Variants in GPR89B observed in about 807,000 individuals in gnomAD.
GPR89B encodes golgi pH regulator B, also known as G protein-coupled receptor 89B.
Under a neutral mutation model 52.4 loss-of-function variants are expected in GPR89B, and 25 were observed. The ratio of observed to expected loss-of-function variants is 0.48; its 90% CI spans 0.35 to 0.67. GPR89B has a LOEUF of 0.67. Ranked by LOEUF, GPR89B falls within the 30% of genes least tolerant of loss-of-function variation. GPR89B has a pLI of 0.01. For synonymous variants in GPR89B, 52 were observed against 151.2 expected (o/e 0.34, Z 4.81); for missense variants, 146 against 450.2 (o/e 0.32, Z 6.11).
intron 10 of GPR89B, among the ~76,000 whole-genome samples, chr1:147,977,582 C>A (rs1657936135): frequency 6.6e-6 from 1 of 151,792 alleles, no homozygotes; most frequent in South Asian, 2.1e-4. Flanking sequence ...TGTTTTCCAA[C>A]TTGAAACGGT....
Position 147,939,872 on chromosome 1 carries a change from C to T in GPR89B, c.206+1055C>T, listed in dbSNP as rs587712174. 7.3e-5 allele frequency among the ~76,000 whole-genome samples: 11 copies of T among 151,528 alleles called. No homozygotes were observed. In the East Asian group the frequency reaches 1.9e-3, roughly 27 times the overall value. ...AAAATCAGCAGAGTGTGGTAGTACA[C>T]GTCTGTAGTGCCAGCTACCCTGGAG... is the stretch of plus-strand genomic sequence containing the variant. On this transcript the variant is annotated intron_variant, in intron 3 of 13. Coordinates refer to ENST00000314163, the MANE Select transcript of GPR89B (RefSeq NM_016334.5).
At chr1:147,979,089 G>A (rs1164539648) in intron 10 of GPR89B, among the ~76,000 whole-genome samples, 1 of 151,538 alleles carries the variant, frequency 6.6e-6, no homozygotes, top group East Asian at 1.9e-4. Context: ...TCCTTGATTG[G>A]GGGTGGGAAC....
rs587618973 is a variant in GPR89B, at chr1:147,939,413, T to C, written c.206+596T>C. Among the ~76,000 whole-genome samples, 3 of 152,370 alleles carry C rather than the reference T, an allele frequency of 2.0e-5. No individual in the cohort carries two copies. The South Asian group carries it at 6.2e-4, about 32-fold the overall frequency. ...TTTCTTGCTTGTTAATCTGCAAGCT[T>C]GAGTATGTTTTTAGGCCAGCATTTA... On this transcript the variant is annotated intron_variant, in intron 3 of 13. Coordinates refer to ENST00000314163, the MANE Select transcript of GPR89B (RefSeq NM_016334.5).
chr1:147,957,632 A>G, intron 7 of GPR89B, among the ~76,000 whole-genome samples: 1 of 151,726 alleles, frequency 6.6e-6, no homozygotes, highest in Non-Finnish European at 1.5e-5. Context: ...TCTCTTTATT[A>G]AAGTTATTAT....
the GPR89B span, among the ~76,000 whole-genome samples, chr1:148,016,922 T>G: frequency 2.6e-5 from 4 of 151,800 alleles, no homozygotes; most frequent in Non-Finnish European, 4.4e-5. Context: ...TATTCCCTGA[T>G]CATTTCTTCT....
chr1:148,008,832 C>T, the GPR89B span, among the ~76,000 whole-genome samples: 10 of 151,922 alleles, frequency 6.6e-5, no homozygotes, highest in African/African-American at 1.7e-4. Context: ...GAAATTTTTG[C>T]GGTATTCTCA....
At chr1:147,963,945 A>G (rs1165728744) in intron 7 of GPR89B, among the ~76,000 whole-genome samples, 2 of 152,166 alleles carry the variant, frequency 1.3e-5, no homozygotes. Context: ...TATATACCGT[A>G]TGATTCTAGT....
intron 10 of GPR89B, among the ~76,000 whole-genome samples, chr1:147,979,779 C>T (rs1420153657): frequency 4.8e-4 from 73 of 152,038 alleles, no homozygotes; most frequent in African/African-American, 1.4e-3. Context: ...ATTCAATTTG[C>T]TAAAATTACG....
At chr1:147,958,948 T>TGAATCCCAATG (rs1439621081) in intron 7 of GPR89B, among the ~76,000 whole-genome samples, 3 of 152,196 alleles carry the variant, frequency 2.0e-5, no homozygotes, top group African/African-American at 7.2e-5. Context: ...ATTCATATAA[T>TGAATCCCAATG]GCCCTTGCCA....
chr1:147,990,917 G>C lies in GPR89B; in HGVS notation c.1096-1585G>C, dbSNP rs1659018547. ...AGCTTTGTTCTTTTGGCTTAGGATT[G>C]ACTTGGCAATGCGGGCTCTTTTTGG... is the stretch of plus-strand genomic sequence containing the variant. On this transcript the variant is annotated intron_variant, in intron 12 of 13. Coordinates refer to ENST00000314163, the MANE Select transcript of GPR89B (RefSeq NM_016334.5). 2.0e-5 allele frequency among the ~76,000 whole-genome samples: 3 copies of C among 151,904 alleles called. No homozygotes were observed. The South Asian group carries it at 6.2e-4, about 32-fold the overall frequency.
At chr1:147,954,552 T>C (rs1171683269) in intron 7 of GPR89B, 150 bp downstream of exon 7, 2 of 152,030 alleles carry the variant, frequency 1.3e-5, no homozygotes, top group African/African-American at 4.8e-5. Context: ...ACACAGTGGC[T>C]CACACCTGTG....
chr1:147,940,048 G>T (rs1393493619), intron 3 of GPR89B, among the ~76,000 whole-genome samples: 3 of 151,758 alleles, frequency 2.0e-5, no homozygotes, highest in South Asian at 2.1e-4. Context: ...ATAGAACAAT[G>T]AATAACATGT....
intron 5 of GPR89B, among the ~76,000 whole-genome samples, chr1:147,947,906 T>C (rs1391963803): frequency 1.3e-5 from 2 of 152,114 alleles, no homozygotes; most frequent in Non-Finnish European, 2.9e-5. Context: ...TAACAGAATT[T>C]AGGTGAGGAT....
the GPR89B span, chr1:148,014,571 G>A: frequency 6.6e-6 from 1 of 151,750 alleles, no homozygotes; most frequent in Non-Finnish European, 1.5e-5. Flanking sequence ...TATGTCCCCC[G>A]CCACATAAGG....
Position 147,928,511 on chromosome 1 carries a change from G to A in GPR89B, c.-26G>A. The A allele has an allele frequency of 6.2e-7, 1 of 1,613,822 alleles. No individual in the cohort carries two copies. On this transcript the variant is annotated 5_prime_UTR_variant, in exon 1 of 14. Coordinates refer to ENST00000314163, the MANE Select transcript of GPR89B (RefSeq NM_016334.5). ...GTGGCCTCCGGGAGTGGGAAGTGGAGGCAGGAGCCTTCCTTACACTTCGCC... is the reference window on the plus strand; with the variant it reads ...GTGGCCTCCGGGAGTGGGAAGTGGAAGCAGGAGCCTTCCTTACACTTCGCC...
Position 147,992,578 on chromosome 1 carries a change from T to G in GPR89B, c.1161+11T>G, listed in dbSNP as rs1472987446. ...TTAGCACAGATAATGGTAAGTTTAA[T>G]TAGTTACCTTTATGTTGACAGCTGT... is the stretch of plus-strand genomic sequence containing the variant. On this transcript the variant is annotated intron_variant, in intron 13 of 13. Coordinates refer to ENST00000314163, the MANE Select transcript of GPR89B (RefSeq NM_016334.5). 32 of 1,611,598 alleles carry G rather than the reference T, an allele frequency of 2.0e-5. No homozygotes were observed. The highest frequency in any genetic ancestry group is 2.7e-5 in the Non-Finnish European group (32 of 1,179,634).
chr1:147,970,190 T>C (rs1246737337), intron 10 of GPR89B, among the ~76,000 whole-genome samples: 2 of 151,850 alleles, frequency 1.3e-5, no homozygotes, highest in Admixed American at 1.3e-4. Flanking sequence ...AATAAGGCCT[T>C]AGTTTATGAA....
intron 7 of GPR89B, among the ~76,000 whole-genome samples, chr1:147,965,792 A>G (rs1415848692): frequency 0.076 from 11,483 of 151,766 alleles, 567 homozygotes; most frequent in African/African-American, 0.18. Context: ...ATTGCGTTCC[A>G]AACTCTGTAT....
At chr1:148,009,379 C>A in the GPR89B span, 2 of 1,612,080 alleles carry the variant, frequency 1.2e-6, no homozygotes, top group South Asian at 2.2e-5. Flanking sequence ...TGGCTGCCTC[C>A]CTCCTTCACG....
Sources: allele counts gnomAD v4.1 joint callset (sites outside exome capture counted in the v4.1 genomes callset), GRCh38; gene constraint gnomAD v4.1.1; transcripts MANE v1.5; gene names NCBI Gene and HGNC (gene_info 2026-07-23, HGNC 2026-07-21).